The following RBM26 variants were observed in gnomAD, a reference collection of about 807,000 sequenced individuals.
RBM26 encodes RNA binding motif protein 26, also known as RNA-binding protein 26.
A neutral mutation model predicts 123.6 loss-of-function variants in RBM26; 30 were observed. That is an observed-to-expected ratio of 0.24 (90% confidence interval 0.18 to 0.33). The LOEUF (loss-of-function observed/expected upper bound fraction) is 0.33. Ranked by LOEUF, RBM26 falls within the 10% of genes least tolerant of loss-of-function variation. The pLI is 1.00. For missense variants in RBM26, 947 were observed against 1,203.6 expected, an observed-to-expected ratio of 0.79 and a Z score of 3.15; for synonymous variants, 400 against 404.4, an observed-to-expected ratio of 0.99 and a Z score of 0.13.
chr13:79,354,663 G>T (rs965540074), intron 12 of RBM26, 93 bp from the exon 13 acceptor site: 3 of 1,199,122 alleles, frequency 2.5e-6, no homozygotes, highest in Non-Finnish European at 3.2e-6. Flanking sequence ...CCCATGCAGA[G>T]AAAGTTTTTA....
At chr13:79,394,658 G>C (rs1293675984) in intron 1 of RBM26, among the ~76,000 whole-genome samples, 1 of 152,116 alleles carries the variant, frequency 6.6e-6, no homozygotes, top group East Asian at 1.9e-4. Context: ...ATTTTTGACA[G>C]AGTCTCGCTC....
At chr13:79,351,139 G>C (rs1157800623) in intron 14 of RBM26, among the ~76,000 whole-genome samples, 1 of 151,958 alleles carries the variant, frequency 6.6e-6, no homozygotes, top group Admixed American at 6.6e-5. Flanking sequence ...ACAATACACT[G>C]CAAAAATTTT....
At chr13:79,351,846 G>A (rs1268963367) in intron 14 of RBM26, among the ~76,000 whole-genome samples, 2 of 152,038 alleles carry the variant, frequency 1.3e-5, no homozygotes, top group African/African-American at 4.8e-5. Flanking sequence ...AGTGTAAGAT[G>A]GTGACAGTAT....
intron 17 of RBM26, among the ~76,000 whole-genome samples, chr13:79,342,345 T>C (rs180841796): frequency 1.8e-4 from 27 of 151,970 alleles, no homozygotes; most frequent in Middle Eastern, 6.8e-3. Flanking sequence ...TGTCTATTAT[T>C]AACCCTCTAT....
chr13:79,362,180 A>T (rs2074772510), intron 9 of RBM26, among the ~76,000 whole-genome samples: 3 of 152,248 alleles, frequency 2.0e-5, no homozygotes, highest in East Asian at 3.9e-4. Context: ...TTCAAAACTA[A>T]ATTTATCTTT....
intron 14 of RBM26, among the ~76,000 whole-genome samples, chr13:79,349,705 T>C (rs2072927642): frequency 6.8e-6 from 1 of 147,748 alleles, no homozygotes; most frequent in African/African-American, 2.5e-5. Flanking sequence ...ATCCCACTCT[T>C]TTTTTTTTTT....
intron 6 of RBM26, among the ~76,000 whole-genome samples, chr13:79,367,867 A>C (rs956081894): frequency 6.6e-6 from 1 of 152,110 alleles, no homozygotes; most frequent in Non-Finnish European, 1.5e-5. Flanking sequence ...AAATAACCTA[A>C]CGAGATGAGA....
chr13:79,316,501 T>C (rs1047640077), downstream of RBM26, among the ~76,000 whole-genome samples: 1 of 151,758 alleles, frequency 6.6e-6, no homozygotes, highest in Non-Finnish European at 1.5e-5. Context: ...CAATTAAACT[T>C]AGCCACACTT....
At chr13:79,327,295 C>CA (rs5805024) in intron 20 of RBM26, among the ~76,000 whole-genome samples, 21 of 123,032 alleles carry the variant, frequency 1.7e-4, no homozygotes, top group African/African-American at 5.0e-4. Context: ...GAACCTGTCT[C>CA]AAAAAAAAAA....
Position 79,377,460 on chromosome 13 carries a change from T to C in RBM26, c.246A>G (p.Leu82=), listed in dbSNP as rs753362016. 2 of 1,612,552 alleles carry C rather than the reference T, an allele frequency of 1.2e-6. No individual in the cohort carries two copies. The highest frequency in any genetic ancestry group is 1.7e-6 in the Non-Finnish European group (2 of 1,178,662). The change falls in exon 3 of 22, where the codon CTA becomes CTG. Residue 82 remains leucine, a synonymous_variant. Transcript: ENST00000438737. ...CTGATGATGGCTGCTCTGGAGGAGGTAGGTAACTCTTTGTATTCACAGCAT... is the reference window on the plus strand; with the variant it reads ...CTGATGATGGCTGCTCTGGAGGAGGCAGGTAACTCTTTGTATTCACAGCAT... ...LFDAVNTKSY[L]PPPEQPSSGS...
At chr13:79,395,874 CTAAATA>C (rs1362158058) in intron 1 of RBM26, among the ~76,000 whole-genome samples, 9 of 151,694 alleles carry the variant, frequency 5.9e-5, no homozygotes, top group Non-Finnish European at 1.0e-4. Flanking sequence ...ATACAAGGAA[CTAAATA>C]TAAAGTCTCA....
At chr13:79,386,502 T>A (rs1412759687) in intron 1 of RBM26, among the ~76,000 whole-genome samples, 1 of 146,062 alleles carries the variant, frequency 6.8e-6, no homozygotes, top group East Asian at 2.0e-4. Context: ...TACTGTTCAG[T>A]GCAAACAGCA....
chr13:79,373,648 C>G (rs1349246914), intron 3 of RBM26, among the ~76,000 whole-genome samples: 1 of 115,514 alleles, frequency 8.7e-6, no homozygotes, highest in East Asian at 2.4e-4. Context: ...TTTATATAGT[C>G]TATTTATATA....
rs755724772 is a variant in RBM26, at chr13:79,319,564, T to C, written c.*1057A>G. ...CAGTGTTTTCCTAAAGTAGTATCTA[T>C]AGTACATTTCTTTATTCATATATCT... On this transcript the variant is annotated 3_prime_UTR_variant, in exon 22 of 22. Coordinates refer to ENST00000438737, the MANE Select transcript of RBM26 (RefSeq NM_001366735.2). The C allele has an allele frequency of 1.0e-6, 1 of 981,600 alleles. No individual in the cohort carries two copies. The highest frequency in any genetic ancestry group is 1.2e-6 in the Non-Finnish European group (1 of 826,672). 60.8% of individuals were successfully genotyped at this position (981,600 alleles called of 1,614,324 possible).
chr13:79,361,821 T>C (rs976038197), intron 9 of RBM26, among the ~76,000 whole-genome samples: 6 of 152,190 alleles, frequency 3.9e-5, no homozygotes, highest in Admixed American at 1.3e-4. Flanking sequence ...TCACTTTACA[T>C]AGCCTTCCTA....
chr13:79,314,840 T>C (rs2067008613), downstream of RBM26: 4 of 466,498 alleles, frequency 8.6e-6, no homozygotes, highest in South Asian at 8.0e-5. Context: ...AGAGATAAAA[T>C]GCTAATTATA....
downstream of RBM26, chr13:79,314,246 G>T (rs2066985810): frequency 2.0e-5 from 3 of 151,662 alleles, no homozygotes; most frequent in South Asian, 6.2e-4. Flanking sequence ...TGCTTTAAAG[G>T]TCGTCTTCGA....
chr13:79,319,318 T>A lies in RBM26; in HGVS notation c.*1303A>T. ...TCAAGAGAGGCAGAAACACTTGCAA[T>A]CAAAATGATGAATTTGAAAATATAA... is the stretch of plus-strand genomic sequence containing the variant. On this transcript the variant is annotated 3_prime_UTR_variant, in exon 22 of 22. Transcript: ENST00000438737. The A allele has an allele frequency of 2.0e-6, 2 of 982,564 alleles. No homozygotes were observed. The highest frequency in any genetic ancestry group is 2.4e-6 in the Non-Finnish European group (2 of 827,560). The allele number at this position is 982,564 out of a possible 1,614,324, so 60.9% of individuals were successfully genotyped here.
In RBM26 at chr13:79,358,416, G is replaced by T. The variant is rs1331764420; in HGVS notation, c.1547C>A (p.Thr516Lys). 1 of 1,608,276 alleles carries T rather than the reference G, an allele frequency of 6.2e-7. No homozygotes were observed. Among genetic ancestry groups the T allele is most frequent in the Non-Finnish European group, 8.5e-7 (1 of 1,178,368 alleles). ...CTTCTTCTGAAAGCCTGGGCTGTTT[G>T]TTCTATTAAAATTTGGTCTGCAAAC... Reference protein sequence around the residue: ...TWFDKPNFNRTNSPGFQKKVQ... With the variant: ...TWFDKPNFNRKNSPGFQKKVQ... The change falls in exon 11 of 22, where the codon ACA becomes AAA. Residue 516 changes from threonine to lysine, a missense_variant. Transcript: ENST00000438737.
Sources: allele counts gnomAD v4.1 joint callset (sites outside exome capture counted in the v4.1 genomes callset), GRCh38; gene constraint gnomAD v4.1.1; transcripts MANE v1.5; gene names NCBI Gene and HGNC (gene_info 2026-07-23, HGNC 2026-07-21).